The following RNF150 variants were observed in gnomAD, a reference collection of about 807,000 sequenced individuals.
The protein encoded by RNF150 is ring finger protein 150.
A neutral mutation model predicts 39.3 loss-of-function variants in RNF150; 24 were observed. That is an observed-to-expected ratio of 0.61 (90% confidence interval 0.44 to 0.86). The LOEUF (loss-of-function observed/expected upper bound fraction) is 0.86. Among genes scored for constraint, RNF150 ranks in the 40% least tolerant of loss-of-function variants. RNF150 has a pLI of 0.00. For missense variants in RNF150, 502 were observed against 587.8 expected (o/e 0.85, Z 1.51); for synonymous variants, 255 against 227.3 (o/e 1.12, Z -1.10).
intron 1 of RNF150, among the ~76,000 whole-genome samples, chr4:141,004,770 C>T (rs1372485570): frequency 6.6e-6 from 1 of 152,152 alleles, no homozygotes; most frequent in Non-Finnish European, 1.5e-5. Flanking sequence ...CATAATATAA[C>T]CATTAATCCT....
chr4:140,912,982 A>C (rs1390619858), intron 5 of RNF150, among the ~76,000 whole-genome samples: 1 of 150,992 alleles, frequency 6.6e-6, no homozygotes, highest in African/African-American at 2.4e-5. Context: ...AAAAAAAAAA[A>C]AACACCATGG....
intron 1 of RNF150, among the ~76,000 whole-genome samples, chr4:141,209,422 G>A (rs542870965): frequency 5.1e-4 from 77 of 152,000 alleles, no homozygotes; most frequent in Non-Finnish European, 9.4e-4. Context: ...GTCTTCTGCC[G>A]AACAGTTGAG....
intron 1 of RNF150, among the ~76,000 whole-genome samples, chr4:141,175,565 T>A (rs1296619344): frequency 1.3e-5 from 2 of 152,106 alleles, no homozygotes; most frequent in African/African-American, 4.8e-5. Context: ...ACTGCTGGGG[T>A]CTAAGAGGGC....
intron 4 of RNF150, among the ~76,000 whole-genome samples, chr4:140,941,447 G>A (rs896196541): frequency 6.6e-6 from 1 of 152,106 alleles, no homozygotes; most frequent in African/African-American, 2.4e-5. Flanking sequence ...TAGTTTTCTT[G>A]TGAATTTACC....
In RNF150 at chr4:141,000,042, A is replaced by G. The variant is rs866938741; in HGVS notation, c.485-32169T>C. On this transcript the variant is annotated intron_variant, in intron 1 of 6. Transcript: ENST00000515673. ...GAAGAAGAAGAAGAAGAAGAAGAAG[A>G]AGAAGAAGAAGAAGAAGAAGAAGAA... Among the ~76,000 whole-genome samples, 621 of 69,906 alleles carry G rather than the reference A, an allele frequency of 8.9e-3. 74 individuals are homozygous for G. The highest frequency in any genetic ancestry group is 0.017 in the East Asian group (51 of 3,068). The allele number at this position is 69,906 out of a possible 152,430, so 45.9% of individuals were successfully genotyped here. A position where few individuals can be genotyped will look rare whatever the true frequency, so the allele number is the denominator to read the frequency against.
Position 141,016,296 on chromosome 4 carries a change from G to A in RNF150, c.485-48423C>T, listed in dbSNP as rs184935469. Among the ~76,000 whole-genome samples, 495 of 152,292 alleles carry A rather than the reference G, an allele frequency of 3.3e-3. 2 individuals carry two copies. Among genetic ancestry groups the A allele is most frequent in the Non-Finnish European group, 5.9e-3 (400 of 68,028 alleles). ...CAGACTGAAGACTGACCGAAACAGG[G>A]AAGAGGCATGGAAAGCACCTCTCCA... On this transcript the variant is annotated intron_variant, in intron 1 of 6. Coordinates refer to ENST00000515673, the MANE Select transcript of RNF150 (RefSeq NM_020724.2).
At chr4:140,950,109 T>G (rs1732487326) in intron 2 of RNF150, among the ~76,000 whole-genome samples, 1 of 152,052 alleles carries the variant, frequency 6.6e-6, no homozygotes, top group South Asian at 2.1e-4. Flanking sequence ...AAGGATAGGG[T>G]GGTGAGTAAA....
intron 4 of RNF150, among the ~76,000 whole-genome samples, chr4:140,934,324 T>C (rs1413836660): frequency 6.6e-6 from 1 of 152,154 alleles, no homozygotes; most frequent in Non-Finnish European, 1.5e-5. Context: ...ACATCATTTT[T>C]TAAAAAAGAA....
intron 6 of RNF150, among the ~76,000 whole-genome samples, chr4:140,875,753 C>A (rs1215417122): frequency 1.3e-5 from 2 of 151,972 alleles, no homozygotes; most frequent in Non-Finnish European, 2.9e-5. Flanking sequence ...GGTTTACATT[C>A]CACTAGCTAT....
chr4:140,901,042 C>G (rs527746302), intron 6 of RNF150, among the ~76,000 whole-genome samples: 2 of 152,198 alleles, frequency 1.3e-5, no homozygotes, highest in East Asian at 3.9e-4. Flanking sequence ...ACAGTAGGGT[C>G]ATCTTTATTT....
At chr4:140,927,046 T>C (rs17339131) in intron 4 of RNF150, among the ~76,000 whole-genome samples, 11,852 of 152,260 alleles carry the variant, frequency 0.078, 527 homozygotes, top group Middle Eastern at 0.11. Flanking sequence ...CACCTCCTTT[T>C]GTTCTAATAG....
At chr4:141,183,900 T>C (rs984714143) in intron 1 of RNF150, among the ~76,000 whole-genome samples, 10 of 152,212 alleles carry the variant, frequency 6.6e-5, no homozygotes, top group African/African-American at 2.4e-4. Context: ...CTTTATTTAG[T>C]CTATCATTGA....
rs1007338007 is a variant in RNF150 at position 140,960,478 on chromosome 4, G to A, written c.735+7145C>T. ...GAGTTTATGTTAATGAGGTAACTTTGGAAAGCTTCTAAGAAAAAGGTCTGG... is the reference window on the plus strand; with the variant it reads ...GAGTTTATGTTAATGAGGTAACTTTAGAAAGCTTCTAAGAAAAAGGTCTGG... On this transcript the variant is annotated intron_variant, in intron 2 of 6. Transcript: ENST00000515673. Among the ~76,000 whole-genome samples the A allele has an allele frequency of 3.9e-5, 6 of 152,226 alleles. No homozygotes were observed. In the East Asian group the frequency reaches 7.7e-4, roughly 20 times the overall value.
In RNF150 at chr4:141,108,387, C is replaced by T. The variant is rs968208923; in HGVS notation, c.484+23938G>A. Among the ~76,000 whole-genome samples the T allele has an allele frequency of 5.3e-5, 8 of 152,196 alleles. No individual in the cohort carries two copies. In the South Asian group the frequency reaches 6.2e-4, roughly 12 times the overall value. ...CAGCTACATAGAGCTTCTTAGAATA[C>T]GTACTGGTACATTATCAATATTTTA... is the stretch of plus-strand genomic sequence containing the variant. On this transcript the variant is annotated intron_variant, in intron 1 of 6. Transcript: ENST00000515673.
chr4:141,052,927 G>A (rs1320370114), intron 1 of RNF150, among the ~76,000 whole-genome samples: 1 of 152,144 alleles, frequency 6.6e-6, no homozygotes, highest in Admixed American at 6.5e-5. Flanking sequence ...ACCATTTGGT[G>A]GATCATTTTT....
At chr4:140,872,810 G>C (rs781257457) in intron 6 of RNF150, among the ~76,000 whole-genome samples, 4 of 152,216 alleles carry the variant, frequency 2.6e-5, no homozygotes, top group Non-Finnish European at 4.4e-5. Flanking sequence ...TGCTATGTTT[G>C]AGATGCTCAC....
intron 1 of RNF150, among the ~76,000 whole-genome samples, chr4:141,126,095 TAC>T (rs139608178): frequency 0.045 from 6,735 of 150,176 alleles, 513 homozygotes; most frequent in African/African-American, 0.16. Flanking sequence ...AATAAATACA[TAC>T]ACACACACAC....
intron 4 of RNF150, among the ~76,000 whole-genome samples, chr4:140,946,204 T>A (rs897565295): frequency 6.6e-6 from 1 of 152,248 alleles, no homozygotes; most frequent in African/African-American, 2.4e-5. Flanking sequence ...ACTTCCCTAA[T>A]GCCTATTTTC....
intron 1 of RNF150, among the ~76,000 whole-genome samples, chr4:141,048,129 T>A (rs1029342658): frequency 6.6e-6 from 1 of 152,198 alleles, no homozygotes; most frequent in African/African-American, 2.4e-5. Flanking sequence ...GGCACTTTCA[T>A]CCATGTCATT....
Sources: gnomAD v4.1 joint callset for allele counts (sites outside exome capture counted in the v4.1 genomes callset) on GRCh38, gnomAD v4.1.1 for gene constraint, MANE v1.5 for transcripts, NCBI Gene and HGNC (gene_info 2026-07-23, HGNC 2026-07-21) for gene names.